STK33: variants seen among roughly 807,000 people sequenced by gnomAD.
STK33 encodes the protein serine/threonine kinase 33.
Under a neutral mutation model 58.0 loss-of-function variants are expected in STK33, and 52 were observed. The observed-to-expected ratio is 0.90, with a 90% CI of 0.72 to 1.13. The LOEUF is 1.13. Among genes scored for constraint, STK33 ranks in the 50% most tolerant of loss-of-function variants. The pLI is 0.00. For synonymous variants in STK33, 215 were observed against 200.1 expected (o/e 1.07, Z -0.63); for missense variants, 630 against 604.2 (o/e 1.04, Z -0.45).
At chr11:8,515,383 A>G (rs942499795) in intron 1 of STK33, among the ~76,000 whole-genome samples, 1 of 152,166 alleles carries the variant, frequency 6.6e-6, no homozygotes. Flanking sequence ...GTCTAAACAG[A>G]TCTATAACTA....
At chr11:8,542,647 G>A (rs560226567) in intron 1 of STK33, among the ~76,000 whole-genome samples, 10 of 152,202 alleles carry the variant, frequency 6.6e-5, no homozygotes, top group Non-Finnish European at 1.3e-4. Flanking sequence ...TGCCAAGCAC[G>A]TGATCAAATA....
At chr11:8,537,129 G>A (rs915255738) in intron 1 of STK33, among the ~76,000 whole-genome samples, 4 of 150,994 alleles carry the variant, frequency 2.6e-5, no homozygotes, top group South Asian at 2.1e-4. Flanking sequence ...ACAGGCACCC[G>A]CCACCACACC....
chr11:8,385,283 C>T, the STK33 span, among the ~76,000 whole-genome samples: 1 of 152,238 alleles, frequency 6.6e-6, no homozygotes, highest in African/African-American at 2.4e-5. Context: ...ATCCTTTAAA[C>T]ACATAATCAG....
chr11:8,500,509 T>C (rs1277878326), intron 1 of STK33, among the ~76,000 whole-genome samples: 1 of 152,114 alleles, frequency 6.6e-6, no homozygotes, highest in Non-Finnish European at 1.5e-5. Flanking sequence ...ACAGAATAAG[T>C]GCAAGACTTG....
chr11:8,544,309 T>C (rs1372513155), intron 1 of STK33, among the ~76,000 whole-genome samples: 1 of 90,216 alleles, frequency 1.1e-5, no homozygotes, highest in Non-Finnish European at 2.2e-5. Flanking sequence ...TATATATATA[T>C]ATAAAATATG....
At chr11:8,387,553 G>A (rs1225856242), downstream of STK33, among the ~76,000 whole-genome samples, 1 of 152,194 alleles carries the variant, frequency 6.6e-6, no homozygotes. Flanking sequence ...GCTTAGAATG[G>A]TGTCTGGCAT....
At chr11:8,505,167 A>G (rs1161679611) in intron 1 of STK33, among the ~76,000 whole-genome samples, 1 of 152,238 alleles carries the variant, frequency 6.6e-6, no homozygotes, top group Non-Finnish European at 1.5e-5. Context: ...GGAATAGCCT[A>G]TTGGTTCCAC....
intron 1 of STK33, among the ~76,000 whole-genome samples, chr11:8,571,896 TAAAAAAA>T (rs1957839067): frequency 5.2e-5 from 7 of 133,940 alleles, no homozygotes; most frequent in African/African-American, 1.4e-4. Flanking sequence ...AAAAAAATTT[TAAAAAAA>T]TTTAAATTAA....
the STK33 span, among the ~76,000 whole-genome samples, chr11:8,346,884 G>C: frequency 1.3e-5 from 2 of 152,312 alleles, no homozygotes; most frequent in Admixed American, 6.5e-5. Context: ...AATTGAGTTT[G>C]GCAGGCACAA....
chr11:8,524,858 ATAG>A (rs1297786881), intron 1 of STK33, among the ~76,000 whole-genome samples: 1 of 151,790 alleles, frequency 6.6e-6, no homozygotes, highest in Admixed American at 6.6e-5. Context: ...AATAATAATA[ATAG>A]TAATAATAAA....
intron 1 of STK33, among the ~76,000 whole-genome samples, chr11:8,515,896 C>A (rs1021670738): frequency 6.6e-6 from 1 of 152,096 alleles, no homozygotes; most frequent in Admixed American, 6.5e-5. Context: ...CACTCAAAGG[C>A]GTAAAACTGA....
At chr11:8,396,904 G>A (rs1194520938) in intron 15 of STK33, among the ~76,000 whole-genome samples, 5 of 152,318 alleles carry the variant, frequency 3.3e-5, no homozygotes, top group African/African-American at 9.6e-5. Context: ...AGGCTGCAAC[G>A]AGGCTGGGAG....
At chr11:8,540,307 C>G (rs1055235180) in intron 1 of STK33, among the ~76,000 whole-genome samples, 2 of 150,758 alleles carry the variant, frequency 1.3e-5, no homozygotes, top group African/African-American at 4.9e-5. Context: ...TAGTGATAAC[C>G]CATCTCTACA....
chr11:8,422,991 CCA>C (rs1466373164), intron 14 of STK33, among the ~76,000 whole-genome samples: 9 of 150,104 alleles, frequency 6.0e-5, no homozygotes, highest in East Asian at 3.9e-4. Flanking sequence ...CGGGCATGGG[CCA>C]CCATGCCCGG....
the STK33 span, among the ~76,000 whole-genome samples, chr11:8,371,601 T>TTC: frequency 4.6e-5 from 7 of 151,244 alleles, no homozygotes; most frequent in African/African-American, 9.7e-5. Context: ...GACTTTTCCT[T>TTC]TCTCTTTCTT....
chr11:8,359,984 G>T, the STK33 span, among the ~76,000 whole-genome samples: 2 of 152,248 alleles, frequency 1.3e-5, no homozygotes, highest in Non-Finnish European at 2.9e-5. Context: ...ACAGTTAGCT[G>T]ATGTTCCAGT....
chr11:8,581,672 C>T (rs1004195619), intron 1 of STK33, among the ~76,000 whole-genome samples: 1 of 152,208 alleles, frequency 6.6e-6, no homozygotes, highest in Admixed American at 6.5e-5. Flanking sequence ...AGAGAAGATA[C>T]GTAACTTCCC....
intron 1 of STK33, among the ~76,000 whole-genome samples, chr11:8,501,013 C>A (rs1187870932): frequency 6.6e-6 from 1 of 152,072 alleles, no homozygotes; most frequent in Non-Finnish European, 1.5e-5. Flanking sequence ...TAAATGTAGA[C>A]CCATATCTCA....
intron 1 of STK33, among the ~76,000 whole-genome samples, chr11:8,531,558 A>G (rs954120290): frequency 8.5e-5 from 13 of 152,206 alleles, no homozygotes; most frequent in African/African-American, 3.1e-4. Context: ...GGATGGCAGG[A>G]GCTGAGCTGG....
Sources: allele counts gnomAD v4.1 joint callset (sites outside exome capture counted in the v4.1 genomes callset), GRCh38; gene constraint gnomAD v4.1.1; transcripts MANE v1.5; gene names NCBI Gene and HGNC (gene_info 2026-07-23, HGNC 2026-07-21).